The following NKIRAS1 variants were observed in gnomAD, a reference collection of about 807,000 sequenced individuals.
NKIRAS1 encodes NFKB inhibitor interacting Ras like 1.
A neutral mutation model predicts 19.8 loss-of-function variants in NKIRAS1; 16 were observed. The observed-to-expected ratio is 0.81, with a 90% CI of 0.55 to 1.23. The LOEUF is 1.23. Ranked by LOEUF, NKIRAS1 falls within the 50% of genes most tolerant of loss-of-function variation. The pLI, the probability that NKIRAS1 is intolerant of heterozygous loss-of-function variation, is 0.00. For synonymous variants in NKIRAS1, 88 were observed against 79.0 expected (o/e 1.11, Z -0.61); for missense variants, 184 against 220.0 (o/e 0.84, Z 1.04).
chr3:23,895,788 T>TC, intron 4 of NKIRAS1, among the ~76,000 whole-genome samples: 1 of 152,076 alleles, frequency 6.6e-6, no homozygotes, highest in Non-Finnish European at 1.5e-5. Context: ...TCCTCTTCCT[T>TC]CCCCACTTTC....
In NKIRAS1 at chr3:23,892,362, A is replaced by C. The variant is rs1168313071; in HGVS notation, c.*733T>G. On this transcript the variant is annotated 3_prime_UTR_variant, in exon 5 of 5. Coordinates refer to ENST00000425478, the MANE Select transcript of NKIRAS1 (RefSeq NM_020345.4). The stretch of plus-strand genomic sequence containing the variant: ...GAAGATACAGTCTTCCTTCCAGAAA[A>C]TACAGCTTTACTGTCCTTAAGTGCC... 6.6e-6 allele frequency: 1 copy of C among 152,224 alleles called. No homozygotes were observed. The highest frequency in any genetic ancestry group is 1.5e-5 in the Non-Finnish European group (1 of 68,038). 9.4% of individuals were successfully genotyped at this position (152,224 alleles called of 1,614,324 possible).
At chr3:23,899,952 A>T (rs1209658710) in intron 4 of NKIRAS1, among the ~76,000 whole-genome samples, 1 of 151,886 alleles carries the variant, frequency 6.6e-6, no homozygotes, top group Non-Finnish European at 1.5e-5. Context: ...TCACAAAGTC[A>T]GGAGATCGAG....
exon 1 of NKIRAS1, chr3:23,946,345 T>A (rs891203523): frequency 3.1e-6 from 3 of 969,590 alleles, no homozygotes; most frequent in Middle Eastern, 5.3e-4. Flanking sequence ...GAGGAGGAAG[T>A]GCAGGACGAG....
chr3:23,906,631 T>G (rs1027666314), intron 3 of NKIRAS1, among the ~76,000 whole-genome samples: 2 of 150,538 alleles, frequency 1.3e-5, no homozygotes, highest in Non-Finnish European at 3.0e-5. Context: ...GTAAATATAT[T>G]TTTTCTTCCT....
upstream of NKIRAS1, chr3:23,919,618 A>G: frequency 7.0e-7 from 1 of 1,423,698 alleles, no homozygotes; most frequent in Admixed American, 2.9e-5. Flanking sequence ...ATGCTTTGTC[A>G]AATTAAGAAA....
chr3:23,945,094 A>G (rs1454762030), intron 1 of NKIRAS1, among the ~76,000 whole-genome samples: 1 of 147,976 alleles, frequency 6.8e-6, no homozygotes, highest in East Asian at 2.1e-4. Flanking sequence ...GGAAAAACGA[A>G]GGAAGAGGAG....
intron 1 of NKIRAS1, chr3:23,945,273 G>GGCTGCCCTCCCCGTCA (rs1187524565): frequency 6.5e-6 from 1 of 153,926 alleles, no homozygotes; most frequent in Non-Finnish European, 1.4e-5. Context: ...ACATGGTCGC[G>GGCTGCCCTCCCCGTCA]GCTGCCCTCC....
upstream of NKIRAS1, chr3:23,921,747 G>A: frequency 1.6e-6 from 1 of 608,560 alleles, no homozygotes; most frequent in Non-Finnish European, 2.9e-6. Context: ...GCTAAGTTTT[G>A]TATTTTTAGT....
intron 1 of NKIRAS1, among the ~76,000 whole-genome samples, chr3:23,941,012 C>CA (rs1308515437): frequency 6.6e-6 from 1 of 152,034 alleles, no homozygotes; most frequent in Non-Finnish European, 1.5e-5. Context: ...ATATAGTCCA[C>CA]AAAAAAAGTA....
At chr3:23,893,489 C>A in intron 4 of NKIRAS1, 152 bp from the exon 5 acceptor site, 1 of 708,368 alleles carries the variant, frequency 1.4e-6, no homozygotes, top group Non-Finnish European at 2.4e-6. Context: ...TTTCACCTTA[C>A]TCCTTAATGC....
At chr3:23,946,492 C>T (rs1705717231) in exon 1 of NKIRAS1, 3 of 169,864 alleles carry the variant, frequency 1.8e-5, no homozygotes, top group Non-Finnish European at 3.6e-5. Flanking sequence ...TGTTAGGATG[C>T]CGTCTGTTTA....
intron 1 of NKIRAS1, among the ~76,000 whole-genome samples, chr3:23,939,767 A>AC (rs1197647179): frequency 6.6e-6 from 1 of 152,142 alleles, no homozygotes; most frequent in Admixed American, 6.5e-5. Context: ...AAACAAACAA[A>AC]AAACAAAAAA....
chr3:23,923,106 C>T (rs1442315632), intron 1 of NKIRAS1: 14 of 152,042 alleles, frequency 9.2e-5, no homozygotes, highest in Non-Finnish European at 2.1e-4. Context: ...GCCTGGCCTA[C>T]ATATGTATTT....
At chr3:23,903,206 T>G (rs571001986) in intron 3 of NKIRAS1, among the ~76,000 whole-genome samples, 2 of 152,298 alleles carry the variant, frequency 1.3e-5, no homozygotes, top group South Asian at 4.1e-4. Context: ...CTCAACCTCC[T>G]GGGCTCAAGC....
rs1701384761 is a variant in NKIRAS1, at chr3:23,890,612, G to A, written c.*2483C>T. The A allele has an allele frequency of 6.2e-7, 1 of 1,612,018 alleles. No individual in the cohort carries two copies. Among genetic ancestry groups the A allele is most frequent in the African/African-American group, 1.3e-5 (1 of 74,782 alleles). On this transcript the variant is annotated 3_prime_UTR_variant, in exon 5 of 5. Coordinates refer to ENST00000425478, the MANE Select transcript of NKIRAS1 (RefSeq NM_020345.4). ...CCAAGAGATACGCTACATAAATTGGGGTTTCACAATTCTTACATTATTTGT... is the reference window on the plus strand; with the variant it reads ...CCAAGAGATACGCTACATAAATTGGAGTTTCACAATTCTTACATTATTTGT...
chr3:23,941,380 A>C (rs1224772030), intron 1 of NKIRAS1, among the ~76,000 whole-genome samples: 1 of 152,162 alleles, frequency 6.6e-6, no homozygotes, highest in African/African-American at 2.4e-5. Context: ...GTTGTTTTGC[A>C]GGCTCTGTTA....
intron 1 of NKIRAS1, among the ~76,000 whole-genome samples, chr3:23,939,915 A>G (rs1381268878): frequency 2.6e-5 from 4 of 152,242 alleles, no homozygotes; most frequent in Non-Finnish European, 5.9e-5. Flanking sequence ...AGACGAAGAA[A>G]GCCTCTAAAT....
intron 1 of NKIRAS1, among the ~76,000 whole-genome samples, chr3:23,929,586 C>G (rs904877761): frequency 3.4e-4 from 51 of 150,450 alleles, no homozygotes; most frequent in African/African-American, 1.2e-3. Context: ...GCCACCAGAC[C>G]AGGCTAATTT....
chr3:23,920,832 A>G (rs1705039884), upstream of NKIRAS1: 1 of 914,310 alleles, frequency 1.1e-6, no homozygotes, highest in Non-Finnish European at 1.3e-6. Context: ...ATAAATGTCT[A>G]TTAAACTAAA....
Sources: gnomAD v4.1 joint callset for allele counts (sites outside exome capture counted in the v4.1 genomes callset) on GRCh38, gnomAD v4.1.1 for gene constraint, MANE v1.5 for transcripts, NCBI Gene and HGNC (gene_info 2026-07-23, HGNC 2026-07-21) for gene names.